The following MSX2 variants were observed in gnomAD, a reference collection of about 807,000 sequenced individuals.
MSX2 encodes the protein homeobox protein MSX-2.
A neutral mutation model predicts 18.4 loss-of-function variants in MSX2; 10 were observed. The ratio of observed to expected loss-of-function variants is 0.54; its 90% confidence interval spans 0.34 to 0.92. The LOEUF is 0.92. Ranked by LOEUF, MSX2 falls within the 40% of genes least tolerant of loss-of-function variation. The pLI, the probability that MSX2 is intolerant of heterozygous loss-of-function variation, is 0.02. For synonymous variants in MSX2, 170 were observed against 165.6 expected, an observed-to-expected ratio of 1.03 and a Z score of -0.20; for missense variants, 339 against 364.0, an observed-to-expected ratio of 0.93 and a Z score of 0.56.
At chr5:174,725,534 C>T (rs1231848769) in intron 1 of MSX2, among the ~76,000 whole-genome samples, 1 of 152,046 alleles carries the variant, frequency 6.6e-6, no homozygotes, top group Non-Finnish European at 1.5e-5. Flanking sequence ...CTGGGCTTAG[C>T]CAGACATTGA....
Position 174,724,900 on chromosome 5 carries a change from C to T in MSX2, c.241C>T (p.Leu81=), listed in dbSNP as rs1032109792. The change falls in exon 1 of 2, where the codon CTG becomes TTG. Residue 81 remains leucine, a synonymous_variant. Coordinates refer to ENST00000239243, the MANE Select transcript of MSX2 (RefSeq NM_002449.5). ...CGGGGCCACCCTGCGGCCACTGCTG[C>T]TGTCGGGGCACGGCGCTCGGGAAGC... is the stretch of plus-strand genomic sequence containing the variant. ...SAGATLRPLL[L]SGHGAREAHS... The T allele has an allele frequency of 2.5e-6, 4 of 1,570,198 alleles. No homozygotes were observed. Among genetic ancestry groups the T allele is most frequent in the African/African-American group, 2.7e-5 (2 of 74,488 alleles).
At chr5:174,725,129 C>CTT in intron 1 of MSX2, 91 bp downstream of exon 1, 1 of 1,525,262 alleles carries the variant, frequency 6.6e-7, no homozygotes, top group African/African-American at 1.4e-5. Context: ...TACCGAGACC[C>CTT]TTCTGCGTGC....
intron 1 of MSX2, among the ~76,000 whole-genome samples, chr5:174,726,955 C>G (rs1241749133): frequency 6.6e-6 from 1 of 152,068 alleles, no homozygotes; most frequent in Non-Finnish European, 1.5e-5. Flanking sequence ...AAGGCAACCT[C>G]GGGCCCAGGC....
At chr5:174,727,950 ATAGC>A (rs1381841851) in intron 1 of MSX2, among the ~76,000 whole-genome samples, 1 of 152,220 alleles carries the variant, frequency 6.6e-6, no homozygotes, top group African/African-American at 2.4e-5. Context: ...GAAAATTAGC[ATAGC>A]TCGTAAAAGC....
intron 1 of MSX2, 48 bp from the exon 2 acceptor site, chr5:174,729,106 ATTATT>A: frequency 6.4e-7 from 1 of 1,573,660 alleles, no homozygotes; most frequent in African/African-American, 1.4e-5. Context: ...TTTTTTTAGT[ATTATT>A]TTAATGTAAC....
chr5:174,730,271 A>G lies in MSX2; in HGVS notation c.*688A>G, dbSNP rs184884082. On this transcript the variant is annotated 3_prime_UTR_variant, in exon 2 of 2. Transcript: ENST00000239243. ...TTTTAAAGTTTTTCCTTTTTTAAGA[A>G]TATTTTTGTAAGACCAATACCTGGG... 2 of 152,140 alleles carry G rather than the reference A, an allele frequency of 1.3e-5. No individual in the cohort carries two copies. Among genetic ancestry groups the G allele is most frequent in the East Asian group, 3.9e-4 (2 of 5,172 alleles). The allele number at this position is 152,140 out of a possible 1,614,324, so 9.4% of individuals were successfully genotyped here.
In MSX2 at chr5:174,729,844, A is replaced by AAT. The variant is rs1249634809; in HGVS notation, c.*273_*274dup. 3.5e-4 allele frequency: 70 copies of AAT among 200,900 alleles called. No homozygotes were observed. The highest frequency in any genetic ancestry group is 1.1e-3 in the South Asian group (8 of 7,280). The allele number at this position is 200,900 out of a possible 1,614,324, so 12.4% of individuals were successfully genotyped here. ...TTGGCTCTGATGGTTTTTATGTATA[A>AAT]ATATATATATATAATAAAATATAAT... On this transcript the variant is annotated 3_prime_UTR_variant, in exon 2 of 2. Transcript: ENST00000239243.
Position 174,724,733 on chromosome 5 carries a change from G to A in MSX2, c.74G>A (p.Gly25Asp). Residue 25 changes from glycine (G) to aspartate (D), a missense_variant, in exon 1 of 2, where the codon GGC becomes GAC. By Grantham distance (94) the Gly-to-Asp change is moderately conservative. Coordinates refer to ENST00000239243, the MANE Select transcript of MSX2 (RefSeq NM_002449.5). ...GGCCCAGCAGTGGTGGCCGGACCAG[G>A]CCCGGGGCCTGGGGGCGCCGAGGGG... ...EEGPAVVAGP[G>D]PGPGGAEGAA... The A allele has an allele frequency of 6.3e-7, 1 of 1,587,496 alleles. No homozygotes were observed.
Position 174,724,772 on chromosome 5 carries a change from G to T in MSX2, c.113G>T (p.Arg38Leu). Residue 38 changes from arginine (R) to leucine (L), a missense_variant, in exon 1 of 2, where the codon CGC becomes CTC. Arg to Leu is a moderately radical substitution (Grantham distance 102). This residue lies in a region of MSX2 where 211 missense variants were observed against 185.4 expected (regional missense o/e 1.14). Coordinates refer to ENST00000239243, the MANE Select transcript of MSX2 (RefSeq NM_002449.5). ...PGGAEGAAEE[R>L]RVKVSSLPFS... ...GGCGCCGAGGGGGCCGCGGAGGAGCGCCGCGTCAAGGTCTCCAGCCTGCCC... is the reference window on the plus strand; with the variant it reads ...GGCGCCGAGGGGGCCGCGGAGGAGCTCCGCGTCAAGGTCTCCAGCCTGCCC... 4 of 1,557,854 alleles carry T rather than the reference G, an allele frequency of 2.6e-6. No individual in the cohort carries two copies. Among genetic ancestry groups the T allele is most frequent in the Non-Finnish European group, 3.5e-6 (4 of 1,151,652 alleles).
chr5:174,727,742 G>GAATCA (rs1760835553), intron 1 of MSX2, among the ~76,000 whole-genome samples: 1 of 152,040 alleles, frequency 6.6e-6, no homozygotes, highest in Non-Finnish European at 1.5e-5. Flanking sequence ...ATCTCTTTTT[G>GAATCA]ATTCAGTAAA....
Position 174,724,960 on chromosome 5 carries a change from A to G in MSX2, c.301A>G (p.Thr101Ala), listed in dbSNP as rs550184107. The change falls in exon 1 of 2, where the codon ACC becomes GCC. Residue 101 changes from threonine to alanine, a missense_variant. By Grantham distance (58) the Thr-to-Ala change is moderately conservative. This residue lies in a region of MSX2 where 211 missense variants were observed against 185.4 expected (regional missense o/e 1.14). Coordinates refer to ENST00000239243, the MANE Select transcript of MSX2 (RefSeq NM_002449.5). The part of the protein sequence containing the change: ...SPGPLVKPFE[T>A]ASVKSENSED... Reference sequence around the variant, plus strand: ...CGGGCCGCTGGTGAAGCCCTTCGAGACCGCCTCGGTCAAGTCGGAAAATTC... The same window carrying G: ...CGGGCCGCTGGTGAAGCCCTTCGAGGCCGCCTCGGTCAAGTCGGAAAATTC... 1 of 1,602,242 alleles carries G rather than the reference A, an allele frequency of 6.2e-7. No homozygotes were observed. The highest frequency in any genetic ancestry group is 1.3e-5 in the African/African-American group (1 of 74,996).
chr5:174,725,533 G>C (rs1044409084), intron 1 of MSX2, among the ~76,000 whole-genome samples: 3 of 152,068 alleles, frequency 2.0e-5, no homozygotes, highest in Non-Finnish European at 4.4e-5. Context: ...ACTGGGCTTA[G>C]CCAGACATTG....
At position 174,726,654 on chromosome 5, in the gene MSX2, C is replaced by G. The variant is rs1052381491; in HGVS notation, c.379+1616C>G. Among the ~76,000 whole-genome samples, 147 of 150,688 alleles carry G rather than the reference C, an allele frequency of 9.8e-4. 1 individual carries two copies. Among genetic ancestry groups the G allele is most frequent in the African/African-American group, 3.3e-3 (135 of 41,038 alleles). ...CCTACCAGGTGGCAGACAGACAGGG[C>G]TCTGGGTACTCTTAAAATTTTAGTA... On this transcript the variant is annotated intron_variant, in intron 1 of 1. Transcript: ENST00000239243.
chr5:174,728,871 TTA>T (rs1278600513), intron 1 of MSX2, among the ~76,000 whole-genome samples: 1 of 152,068 alleles, frequency 6.6e-6, no homozygotes, highest in Non-Finnish European at 1.5e-5. Context: ...ACTTACCCAT[TTA>T]TATATGGTCC....
At chr5:174,725,192 G>A (rs1378597016) in intron 1 of MSX2, 154 bp downstream of exon 1, 2 of 1,243,042 alleles carry the variant, frequency 1.6e-6, no homozygotes, top group Non-Finnish European at 1.1e-6. Flanking sequence ...GGGTGCCCGG[G>A]GCGTTCGGCG....
rs1210743964 is a variant in MSX2 at position 174,729,526 on chromosome 5, C to T, written c.747C>T (p.Ile249=). Residue 249 remains isoleucine (I), a synonymous_variant, in exon 2 of 2, where the codon ATC becomes ATT. Coordinates refer to ENST00000239243, the MANE Select transcript of MSX2 (RefSeq NM_002449.5). The part of the protein sequence containing the change: ...SYPFHRPVLP[I]PPVGLYATPV... ...CGTTCCATAGACCTGTGCTTCCCAT[C>T]CCGCCTGTGGGACTCTATGCCACGC... 2 of 1,613,682 alleles carry T rather than the reference C, an allele frequency of 1.2e-6. No individual in the cohort carries two copies. Among genetic ancestry groups the T allele is most frequent in the Non-Finnish European group, 1.7e-6 (2 of 1,179,882 alleles).
In MSX2 at chr5:174,730,295, G is replaced by A. The variant is rs932282943; in HGVS notation, c.*712G>A. 6.6e-6 allele frequency: 1 copy of A among 151,500 alleles called. No homozygotes were observed. Among genetic ancestry groups the A allele is most frequent in the African/African-American group, 2.4e-5 (1 of 41,142 alleles). 9.4% of individuals were successfully genotyped at this position (151,500 alleles called of 1,614,324 possible). A position where few individuals can be genotyped will look rare whatever the true frequency, so the allele number is the denominator to read the frequency against. ...AATATTTTTGTAAGACCAATACCTG[G>A]GATGAGAAGAATCCTGAGACTGCCT... On this transcript the variant is annotated 3_prime_UTR_variant, in exon 2 of 2. Transcript: ENST00000239243.
intron 1 of MSX2, 81 bp from the exon 2 acceptor site, chr5:174,729,078 A>T: frequency 1.4e-6 from 2 of 1,420,574 alleles, no homozygotes; most frequent in Non-Finnish European, 1.9e-6. Context: ...ACCTAGAGAG[A>T]TGACGGGGGA....
rs1435145956 is a variant in MSX2, at chr5:174,729,170, C to T, written c.391C>T (p.Pro131Ser). The T allele has an allele frequency of 6.2e-7, 1 of 1,613,936 alleles. No homozygotes were observed. Among genetic ancestry groups the T allele is most frequent in the Non-Finnish European group, 8.5e-7 (1 of 1,179,972 alleles). ...TCTCTGTTCTCTAGGACATATGAGCCCTACCACCTGCACCCTGAGGAAACA... is the reference window on the plus strand; with the variant it reads ...TCTCTGTTCTCTAGGACATATGAGCTCTACCACCTGCACCCTGAGGAAACA... ...RYSPPPRHMS[P>S]TTCTLRKHKT... Residue 131 changes from proline to serine, a missense_variant, in exon 2 of 2, where the codon CCT becomes TCT. Around this residue, in one of 2 missense-constraint regions of MSX2, gnomAD observed 211 missense variants for 185.4 expected, o/e 1.14. Coordinates refer to ENST00000239243, the MANE Select transcript of MSX2 (RefSeq NM_002449.5).
Sources: allele counts gnomAD v4.1 joint callset (sites outside exome capture counted in the v4.1 genomes callset), GRCh38; gene constraint gnomAD v4.1.1; regional missense constraint gnomAD v4.1.1; transcripts MANE v1.5; gene names NCBI Gene and HGNC (gene_info 2026-07-23, HGNC 2026-07-21).